Variants in ATG2B observed in about 807,000 individuals in gnomAD.
ATG2B encodes autophagy related 2B.
ATG2B carries 121 observed loss-of-function variants against 241.3 expected under a neutral mutation model. The ratio of observed to expected loss-of-function variants is 0.50; its 90% CI spans 0.43 to 0.58. The LOEUF is 0.58. ATG2B is among the 20% of genes least tolerant of loss of function. The pLI, the probability that ATG2B is intolerant of heterozygous loss-of-function variation, is 0.00. For missense variants in ATG2B, 2,306 were observed against 2,491.6 expected, an observed-to-expected ratio of 0.93 and a Z score of 1.59; for synonymous variants, 858 against 876.6, an observed-to-expected ratio of 0.98 and a Z score of 0.37.
intron 21 of ATG2B, among the ~76,000 whole-genome samples, chr14:96,316,067 A>G (rs1202690807): frequency 6.6e-6 from 1 of 152,252 alleles, no homozygotes; most frequent in Non-Finnish European, 1.5e-5. Context: ...GTGTCAAATG[A>G]AAGAAGCCAG....
chr14:96,316,213 T>C (rs950962556), intron 21 of ATG2B, among the ~76,000 whole-genome samples: 2 of 152,196 alleles, frequency 1.3e-5, no homozygotes, highest in Admixed American at 6.5e-5. Flanking sequence ...CTAAAGTGTA[T>C]GAAATTTCTT....
At chr14:96,340,095 CTATATAGAATATATGATATATATGAATA>C (rs1327262641) in intron 6 of ATG2B, among the ~76,000 whole-genome samples, 22 of 78,478 alleles carry the variant, frequency 2.8e-4, no homozygotes, top group African/African-American at 8.9e-4. Context: ...TGAATATATG[CTATATAGAATATATGATATATATGAATA>C]TATATATCAT....
chr14:96,297,144 A>AT (rs1886665305), intron 34 of ATG2B, among the ~76,000 whole-genome samples: 1 of 152,076 alleles, frequency 6.6e-6, no homozygotes, highest in Admixed American at 6.5e-5. Context: ...TATAATTCAT[A>AT]TTATACCAAA....
chr14:96,346,921 G>C (rs549968905), intron 2 of ATG2B, among the ~76,000 whole-genome samples: 23 of 152,000 alleles, frequency 1.5e-4, no homozygotes, highest in Non-Finnish European at 2.9e-4. Context: ...TAAAACCCAA[G>C]TCTCATTTTA....
Position 96,290,889 on chromosome 14 carries a change from G to C in ATG2B, c.5626C>G (p.Leu1876Val). The change falls in exon 39 of 42, where the codon CTT becomes GTT. Residue 1876 changes from leucine to valine, a missense_variant. Coordinates refer to ENST00000359933, the MANE Select transcript of ATG2B (RefSeq NM_018036.7). This position sits in a 1 kb window ranked among gnomAD's most constrained non-coding sequence, Gnocchi z 4.4. ...AGCTGGTTCTTCTTAATGTCATTAA[G>C]CCACTCAGTGATTGCATATGAGAAT... ...KLFSYAITEW[L>V]NDIKKNQLPG... The C allele has an allele frequency of 6.2e-7, 1 of 1,613,700 alleles. No homozygotes were observed.
chr14:96,351,478 G>A (rs547646520), intron 1 of ATG2B, among the ~76,000 whole-genome samples: 110 of 152,256 alleles, frequency 7.2e-4, no homozygotes, highest in Non-Finnish European at 1.2e-3. Flanking sequence ...GCTCAAGCCT[G>A]TAATCTCAGC....
Position 96,289,428 on chromosome 14 carries a change from G to GC in ATG2B, c.6006+227_6006+228insG. ...CTGAGTGCTTCTGCAGGTGAAGAGA[G>GC]AGAATCCATCCACCCACGCAATCAC... On this transcript the variant is annotated intron_variant, in intron 41 of 41. Transcript: ENST00000359933. The surrounding 1 kb of genome is among the most constrained non-coding windows in gnomAD (Gnocchi z 4.3). 2.3e-6 allele frequency: 1 copy of GC among 435,666 alleles called. No individual in the cohort carries two copies. The highest frequency in any genetic ancestry group is 4.1e-6 in the Non-Finnish European group (1 of 242,016). The allele number at this position is 435,666 out of a possible 1,614,324, so 27.0% of individuals were successfully genotyped here. A position where few individuals can be genotyped will look rare whatever the true frequency, so the allele number is the denominator to read the frequency against.
chr14:96,333,505 T>C lies in ATG2B; in HGVS notation c.1207+183A>G, dbSNP rs544698037. The stretch of plus-strand genomic sequence containing the variant: ...AAAAAAATATACTATAGCACCTATG[T>C]GCTGGTGCATTACTGTAATGTTGTG... On this transcript the variant is annotated intron_variant, in intron 8 of 41. Transcript: ENST00000359933. 3.3e-5 allele frequency among the ~76,000 whole-genome samples: 5 copies of C among 152,344 alleles called. No homozygotes were observed. The South Asian group carries it at 1.0e-3, about 32-fold the overall frequency.
Position 96,282,284 on chromosome 14 carries a change from A to G in ATG2B, c.*3471T>C, listed in dbSNP as rs1224931259. The G allele has an allele frequency of 6.6e-6, 1 of 152,258 alleles. No homozygotes were observed. Among genetic ancestry groups the G allele is most frequent in the Non-Finnish European group, 1.5e-5 (1 of 68,044 alleles). 9.4% of individuals were successfully genotyped at this position (152,258 alleles called of 1,614,324 possible). Reference sequence around the variant, plus strand: ...GTATGTCCAGCTGATGCATTTGCAGATACAAAAGAATATTGCTTTGTGTTT... The same window carrying G: ...GTATGTCCAGCTGATGCATTTGCAGGTACAAAAGAATATTGCTTTGTGTTT... On this transcript the variant is annotated 3_prime_UTR_variant, in exon 42 of 42. Transcript: ENST00000359933.
chr14:96,338,300 T>C (rs1457492141), intron 6 of ATG2B, among the ~76,000 whole-genome samples: 1 of 152,182 alleles, frequency 6.6e-6, no homozygotes, highest in Non-Finnish European at 1.5e-5. Context: ...CTGATTGCCC[T>C]GGCTAGGACT....
chr14:96,357,929 A>G (rs947674521), intron 1 of ATG2B, among the ~76,000 whole-genome samples: 4 of 152,310 alleles, frequency 2.6e-5, no homozygotes, highest in African/African-American at 9.6e-5. Flanking sequence ...TATAGTAAAA[A>G]TGAACTATTA....
intron 41 of ATG2B, among the ~76,000 whole-genome samples, chr14:96,287,253 CA>C (rs34710412): frequency 0.073 from 5,647 of 77,882 alleles, 41 homozygotes; most frequent in Non-Finnish European, 0.088. Flanking sequence ...GACTCCGTCT[CA>C]AAAAAAAAAA....
At chr14:96,337,116 T>C (rs1887887934) in intron 6 of ATG2B, among the ~76,000 whole-genome samples, 1 of 152,174 alleles carries the variant, frequency 6.6e-6, no homozygotes, top group African/African-American at 2.4e-5. Flanking sequence ...CCTTACTGTA[T>C]CTTTTACCAA....
chr14:96,330,529 C>T (rs1334733821), intron 11 of ATG2B, among the ~76,000 whole-genome samples: 2 of 151,948 alleles, frequency 1.3e-5, no homozygotes, highest in African/African-American at 4.8e-5. Flanking sequence ...TTTGGGAGAC[C>T]GAGGCAGGTG....
chr14:96,296,993 A>C (rs1467127343), intron 34 of ATG2B, among the ~76,000 whole-genome samples: 1 of 152,130 alleles, frequency 6.6e-6, no homozygotes, highest in Admixed American at 6.5e-5. Context: ...CAGCACAAGC[A>C]GGTGGTTTCG....
Position 96,304,541 on chromosome 14 carries a change from C to A in ATG2B, c.4796G>T (p.Gly1599Val). The A allele has an allele frequency of 1.6e-5, 26 of 1,613,306 alleles. No homozygotes were observed. Among genetic ancestry groups the A allele is most frequent in the Non-Finnish European group, 2.0e-5 (24 of 1,179,608 alleles). Residue 1599 changes from glycine to valine, a missense_variant, in exon 32 of 42, where the codon GGA becomes GTA. This residue lies in a region of ATG2B where 1,927 missense variants were observed against 2,011.2 expected (regional missense o/e 0.96). Coordinates refer to ENST00000359933, the MANE Select transcript of ATG2B (RefSeq NM_018036.7). The part of the protein sequence containing the change: ...TRHGRNTVCG[G>V]KGRNHDFLME... ...TAAAAAGTCATGGTTCCTTCCTTTT[C>A]CCCCACATACTGTATTACGTCCATG...
chr14:96,332,917 T>C (rs1175044695), intron 8 of ATG2B, among the ~76,000 whole-genome samples: 4 of 152,152 alleles, frequency 2.6e-5, no homozygotes, highest in African/African-American at 9.6e-5. Context: ...ATAAATGTAG[T>C]ATTACCTGGT....
intron 29 of ATG2B, among the ~76,000 whole-genome samples, chr14:96,308,189 T>C (rs1171742746): frequency 2.2e-5 from 3 of 134,838 alleles, no homozygotes; most frequent in Non-Finnish European, 4.6e-5. Context: ...AATACATAAA[T>C]ATATATATAC....
intron 23 of ATG2B, 35 bp from the exon 24 acceptor site, chr14:96,313,470 G>GA: frequency 8.3e-7 from 1 of 1,210,024 alleles, no homozygotes; most frequent in Non-Finnish European, 1.2e-6. Flanking sequence ...CCCTGCTTTA[G>GA]AAGAAAAAAA....
Sources: gnomAD v4.1 joint callset for allele counts (sites outside exome capture counted in the v4.1 genomes callset) on GRCh38, gnomAD v4.1.1 for gene constraint, gnomAD v4.1.1 regional missense constraint, Gnocchi (gnomAD v3.1) non-coding constraint, MANE v1.5 for transcripts, NCBI Gene and HGNC (gene_info 2026-07-23, HGNC 2026-07-21) for gene names.